The following HNRNPA1L2 variants were observed in gnomAD, a reference collection of about 807,000 sequenced individuals.
HNRNPA1L2 encodes heterogeneous nuclear ribonucleoprotein A1 like 2, also known as heterogeneous nuclear ribonucleoprotein A1-like 2.
In HNRNPA1L2, 10 loss-of-function variants were observed where a neutral mutation model predicts 18.2. The observed-to-expected ratio is 0.55, with a 90% CI of 0.34 to 0.93. The LOEUF is 0.93. HNRNPA1L2 is among the 40% of genes least tolerant of loss of function. The pLI is 0.02. For synonymous variants in HNRNPA1L2, 124 were observed against 138.6 expected (o/e 0.89, Z 0.74); for missense variants, 308 against 394.4 (o/e 0.78, Z 1.85).
chr13:52,630,845 G>T, the HNRNPA1L2 span, among the ~76,000 whole-genome samples: 1 of 152,142 alleles, frequency 6.6e-6, no homozygotes, highest in African/African-American at 2.4e-5. Context: ...TGTTCTTGGA[G>T]TTTTACTTAA....
the HNRNPA1L2 span, among the ~76,000 whole-genome samples, chr13:52,633,594 T>C: frequency 1.3e-5 from 2 of 152,128 alleles, no homozygotes; most frequent in Non-Finnish European, 2.9e-5. Flanking sequence ...ACAGGATGGC[T>C]TGGGATTAGG....
the HNRNPA1L2 span, among the ~76,000 whole-genome samples, chr13:52,634,226 T>C: frequency 6.6e-6 from 1 of 152,284 alleles, no homozygotes; most frequent in South Asian, 2.1e-4. Flanking sequence ...CCTGCTCAAA[T>C]GGTATCCGTT....
the HNRNPA1L2 span, chr13:52,617,677 T>C: frequency 2.2e-6 from 1 of 452,730 alleles, no homozygotes; most frequent in Non-Finnish European, 4.0e-6. Context: ...GGCGTGGAAC[T>C]GTCAGGTACC....
chr13:52,635,372 A>C, the HNRNPA1L2 span, among the ~76,000 whole-genome samples: 1 of 152,206 alleles, frequency 6.6e-6, no homozygotes, highest in Admixed American at 6.5e-5. Flanking sequence ...ATGTTTGAAA[A>C]AATAATTAAG....
rs561271617 is a variant in HNRNPA1L2, at chr13:52,642,752, A to C, written c.260A>C (p.Lys87Thr). The change falls in exon 1 of 1, where the codon AAG becomes ACG. Residue 87 changes from lysine to threonine, a missense_variant. Coordinates refer to ENST00000357495, the MANE Select transcript of HNRNPA1L2 (RefSeq NM_001389320.1). ...HKVDGRVVEPKRAVSREDSQR... is the reference protein window; with the variant it reads ...HKVDGRVVEPTRAVSREDSQR... ...GTGGATGGAAGAGTTGTGGAACCAA[A>C]GAGAGCTGTCTCCAGAGAAGATTCT... 1.3e-5 allele frequency: 21 copies of C among 1,599,414 alleles called. No individual in the cohort carries two copies. In the East Asian group the frequency reaches 4.7e-4, roughly 36 times the overall value.
the HNRNPA1L2 span, among the ~76,000 whole-genome samples, chr13:52,635,095 CA>C: frequency 6.6e-6 from 1 of 152,164 alleles, no homozygotes; most frequent in Non-Finnish European, 1.5e-5. Context: ...TTAAGCCTAA[CA>C]GTTGTGATAG....
chr13:52,635,838 T>G, the HNRNPA1L2 span, among the ~76,000 whole-genome samples: 4 of 151,098 alleles, frequency 2.6e-5, no homozygotes, highest in Non-Finnish European at 4.4e-5. Flanking sequence ...ACTGTTTTTT[T>G]TTTTTTTTTT....
chr13:52,639,897 T>TTTTTTTTTTG (rs1961598828), upstream of HNRNPA1L2, among the ~76,000 whole-genome samples: 1 of 133,642 alleles, frequency 7.5e-6, no homozygotes, highest in African/African-American at 3.0e-5. Flanking sequence ...TTTTTTTTTG[T>TTTTTTTTTTG]TTTTTTTTTT....
the HNRNPA1L2 span, among the ~76,000 whole-genome samples, chr13:52,618,193 A>C: frequency 6.6e-6 from 1 of 152,226 alleles, no homozygotes; most frequent in South Asian, 2.1e-4. Context: ...CACAGAGTAC[A>C]CCATTCATCC....
At chr13:52,629,576 A>T in the HNRNPA1L2 span, among the ~76,000 whole-genome samples, 1 of 152,226 alleles carries the variant, frequency 6.6e-6, no homozygotes, top group Non-Finnish European at 1.5e-5. Context: ...CTTAAATCAA[A>T]ATAGGCCATG....
chr13:52,639,822 T>G (rs886416143), upstream of HNRNPA1L2, among the ~76,000 whole-genome samples: 2 of 151,784 alleles, frequency 1.3e-5, no homozygotes, highest in African/African-American at 4.8e-5. Context: ...ACATTCAAAT[T>G]TCTCCATCAA....
chr13:52,619,066 G>A, the HNRNPA1L2 span, among the ~76,000 whole-genome samples: 1 of 152,150 alleles, frequency 6.6e-6, no homozygotes, highest in Non-Finnish European at 1.5e-5. Context: ...GGAGTGCAAT[G>A]GCACGATCTC....
chr13:52,626,426 TAAA>T, the HNRNPA1L2 span, among the ~76,000 whole-genome samples: 7 of 130,808 alleles, frequency 5.4e-5, no homozygotes, highest in Admixed American at 1.6e-4. Context: ...TCCCATCTCT[TAAA>T]AAAAAAAAAA....
At chr13:52,631,644 G>A in the HNRNPA1L2 span, among the ~76,000 whole-genome samples, 53 of 152,082 alleles carry the variant, frequency 3.5e-4, no homozygotes, top group Non-Finnish European at 5.9e-4. Flanking sequence ...CATTTTTTCC[G>A]GTTCTATTTA....
upstream of HNRNPA1L2, among the ~76,000 whole-genome samples, chr13:52,639,715 A>AAT (rs1555269233): frequency 2.0e-5 from 3 of 151,206 alleles, no homozygotes; most frequent in African/African-American, 4.9e-5. Context: ...AAAAAAAAAA[A>AAT]ATCAAAACTA....
At chr13:52,635,831 GTT>G in the HNRNPA1L2 span, among the ~76,000 whole-genome samples, 93 of 131,760 alleles carry the variant, frequency 7.1e-4, no homozygotes, top group Middle Eastern at 8.3e-3. Flanking sequence ...CTGTATTACT[GTT>G]TTTTTTTTTT....
chr13:52,618,936 T>C, the HNRNPA1L2 span, among the ~76,000 whole-genome samples: 1 of 152,214 alleles, frequency 6.6e-6, no homozygotes, highest in Admixed American at 6.5e-5. Flanking sequence ...AAAGGAAACA[T>C]TGTAGTAAAG....
the HNRNPA1L2 span, among the ~76,000 whole-genome samples, chr13:52,624,530 G>A: frequency 5.9e-5 from 9 of 152,228 alleles, no homozygotes; most frequent in African/African-American, 9.6e-5. Flanking sequence ...CTGAGACACC[G>A]TCTTAACAAG....
chr13:52,620,044 T>C, the HNRNPA1L2 span, among the ~76,000 whole-genome samples: 1 of 152,182 alleles, frequency 6.6e-6, no homozygotes, highest in African/African-American at 2.4e-5. Context: ...TTTTTCATTC[T>C]AATTTTAAAG....
Sources: gnomAD v4.1 joint callset for allele counts (sites outside exome capture counted in the v4.1 genomes callset) on GRCh38, gnomAD v4.1.1 for gene constraint, MANE v1.5 for transcripts, NCBI Gene and HGNC (gene_info 2026-07-23, HGNC 2026-07-21) for gene names.